Variants in SLC2A13 observed in about 807,000 individuals in gnomAD.
SLC2A13 encodes the protein proton myo-inositol cotransporter.
SLC2A13 carries 32 observed loss-of-function variants against 64.4 expected under a neutral mutation model. That is an observed-to-expected ratio of 0.50 (90% CI 0.37 to 0.67). SLC2A13 has a LOEUF of 0.67. Ranked by LOEUF, SLC2A13 falls within the 30% of genes least tolerant of loss-of-function variation. The pLI, the probability that SLC2A13 is intolerant of heterozygous loss-of-function variation, is 0.00. For missense variants in SLC2A13, 743 were observed against 829.2 expected, an observed-to-expected ratio of 0.90 and a Z score of 1.28; for synonymous variants, 338 against 327.1, an observed-to-expected ratio of 1.03 and a Z score of -0.36.
At chr12:39,896,452 G>A (rs1944895772) in intron 4 of SLC2A13, among the ~76,000 whole-genome samples, 2 of 133,320 alleles carry the variant, frequency 1.5e-5, no homozygotes, top group South Asian at 2.3e-4. Flanking sequence ...ATGTATATGT[G>A]TGTATATATG....
intron 7 of SLC2A13, among the ~76,000 whole-genome samples, chr12:39,797,144 A>C (rs1056515869): frequency 6.6e-6 from 1 of 152,184 alleles, no homozygotes; most frequent in Non-Finnish European, 1.5e-5. Context: ...GTTATTTGTA[A>C]AAATTCTGAT....
At chr12:39,793,638 A>T (rs755954435) in intron 7 of SLC2A13, among the ~76,000 whole-genome samples, 14 of 152,084 alleles carry the variant, frequency 9.2e-5, no homozygotes, top group Non-Finnish European at 1.6e-4. Context: ...GGCCCTTACT[A>T]GGATATATAT....
intron 6 of SLC2A13, among the ~76,000 whole-genome samples, chr12:39,856,128 T>C (rs1188154395): frequency 6.6e-6 from 1 of 152,152 alleles, no homozygotes; most frequent in African/African-American, 2.4e-5. Flanking sequence ...TTGCCAAATT[T>C]TGCCACATAT....
At chr12:39,847,422 G>T (rs1359992680) in intron 6 of SLC2A13, among the ~76,000 whole-genome samples, 1 of 152,030 alleles carries the variant, frequency 6.6e-6, no homozygotes, top group African/African-American at 2.4e-5. Context: ...ATGGCCAAGG[G>T]ATTAATTCTG....
intron 4 of SLC2A13, among the ~76,000 whole-genome samples, chr12:39,896,227 T>C (rs953465179): frequency 2.7e-5 from 4 of 148,074 alleles, no homozygotes; most frequent in Non-Finnish European, 6.0e-5. Flanking sequence ...TATACATATA[T>C]GCATATGTGT....
chr12:39,968,607 C>T (rs1338538886), intron 3 of SLC2A13, among the ~76,000 whole-genome samples: 2 of 151,892 alleles, frequency 1.3e-5, no homozygotes, highest in African/African-American at 4.8e-5. Context: ...CCCTTCCTTG[C>T]CTGCCAATCA....
intron 3 of SLC2A13, among the ~76,000 whole-genome samples, chr12:39,975,763 G>A (rs2136137573): frequency 6.6e-6 from 1 of 152,304 alleles, no homozygotes; most frequent in Admixed American, 6.5e-5. Flanking sequence ...TTAAATGCAA[G>A]TATTTTTATT....
chr12:40,005,421 G>A (rs1008426450), intron 3 of SLC2A13, among the ~76,000 whole-genome samples: 4 of 152,166 alleles, frequency 2.6e-5, no homozygotes, highest in African/African-American at 7.2e-5. Context: ...GTATGTGGGT[G>A]TGTATCTGGT....
chr12:40,050,487 G>T (rs1488611406), intron 1 of SLC2A13, among the ~76,000 whole-genome samples: 1 of 152,190 alleles, frequency 6.6e-6, no homozygotes, highest in Non-Finnish European at 1.5e-5. Flanking sequence ...AGACTCATTG[G>T]ATTTGGAGTT....
intron 4 of SLC2A13, among the ~76,000 whole-genome samples, chr12:39,940,645 G>T (rs1206629290): frequency 6.7e-6 from 1 of 149,074 alleles, no homozygotes; most frequent in Non-Finnish European, 1.5e-5. Flanking sequence ...AGATGGCTGT[G>T]ATTTTTTTTT....
At chr12:39,889,255 G>T in intron 4 of SLC2A13, among the ~76,000 whole-genome samples, 1 of 151,740 alleles carries the variant, frequency 6.6e-6, no homozygotes, top group East Asian at 1.9e-4. Context: ...CCCCAAATTT[G>T]TTATCAATAT....
chr12:39,953,384 A>G (rs910957430), intron 3 of SLC2A13, among the ~76,000 whole-genome samples: 4 of 152,154 alleles, frequency 2.6e-5, no homozygotes, highest in Admixed American at 1.3e-4. Flanking sequence ...GCAGCTGCAC[A>G]TCTGATTATG....
intron 7 of SLC2A13, among the ~76,000 whole-genome samples, chr12:39,812,692 C>T (rs897879311): frequency 1.3e-5 from 2 of 151,860 alleles, no homozygotes; most frequent in Admixed American, 6.6e-5. Context: ...ATGCTGGTCT[C>T]GAATCCTGGC....
chr12:39,955,701 A>G (rs1390952), intron 3 of SLC2A13, among the ~76,000 whole-genome samples: 97,434 of 151,868 alleles, frequency 0.64, 32,588 homozygotes, highest in Admixed American at 0.74. Context: ...TAGATCATCC[A>G]GGTTTTCCCT....
chr12:40,086,027 C>T (rs747308894), intron 1 of SLC2A13, among the ~76,000 whole-genome samples: 13 of 152,176 alleles, frequency 8.5e-5, no homozygotes, highest in Admixed American at 2.0e-4. Context: ...TTAGTAGCGA[C>T]AGGGTTTCAC....
At chr12:40,082,176 A>T (rs912258597) in intron 1 of SLC2A13, among the ~76,000 whole-genome samples, 2 of 152,180 alleles carry the variant, frequency 1.3e-5, no homozygotes, top group African/African-American at 4.8e-5. Context: ...TGTGGTAGTG[A>T]GGTTAGCATG....
At chr12:40,032,231 GAAC>G (rs1255646609) in intron 2 of SLC2A13, among the ~76,000 whole-genome samples, 1 of 152,132 alleles carries the variant, frequency 6.6e-6, no homozygotes, top group African/African-American at 2.4e-5. Flanking sequence ...GGGTAAACAT[GAAC>G]AACAAGCACC....
At chr12:39,945,713 TC>T (rs1381336938) in intron 4 of SLC2A13, among the ~76,000 whole-genome samples, 1 of 152,182 alleles carries the variant, frequency 6.6e-6, no homozygotes, top group East Asian at 1.9e-4. Context: ...TTATTGTTTT[TC>T]TTTAAGCTAT....
chr12:39,996,236 G>T (rs997125109), intron 3 of SLC2A13, among the ~76,000 whole-genome samples: 1 of 152,196 alleles, frequency 6.6e-6, no homozygotes, highest in Non-Finnish European at 1.5e-5. Context: ...CTAGAGATTT[G>T]TGGAACTTTA....
Sources: allele counts gnomAD v4.1 joint callset (sites outside exome capture counted in the v4.1 genomes callset), GRCh38; gene constraint gnomAD v4.1.1; transcripts MANE v1.5; gene names NCBI Gene and HGNC (gene_info 2026-07-23, HGNC 2026-07-21).